The following AUTS2 variants were observed in gnomAD, a reference collection of about 807,000 sequenced individuals.
The protein encoded by AUTS2 is activator of transcription and developmental regulator AUTS2, also known as autism susceptibility gene 2 protein.
Under a neutral mutation model 112.4 loss-of-function variants are expected in AUTS2, and 17 were observed. The ratio of observed to expected loss-of-function variants is 0.15; its 90% CI spans 0.10 to 0.23. The LOEUF (loss-of-function observed/expected upper bound fraction) is 0.23, where lower values mean the gene tolerates loss of function less well. AUTS2 is among the 10% of genes least tolerant of loss of function. AUTS2 has a pLI of 1.00. For synonymous variants in AUTS2, 751 were observed against 702.7 expected, an observed-to-expected ratio of 1.07 and a Z score of -1.09; for missense variants, 1,510 against 1,701.6, an observed-to-expected ratio of 0.89 and a Z score of 1.98.
chr7:70,103,218 A>G (rs751325534), intron 2 of AUTS2, among the ~76,000 whole-genome samples: 56 of 152,224 alleles, frequency 3.7e-4, no homozygotes, highest in Non-Finnish European at 7.5e-4. Flanking sequence ...GAGGGGTAGC[A>G]TAATGTTTTG....
intron 5 of AUTS2, among the ~76,000 whole-genome samples, chr7:70,515,408 G>T (rs1044296909): frequency 6.6e-6 from 1 of 152,146 alleles, no homozygotes. Flanking sequence ...ATTTGAGAAT[G>T]GGATGGGCAA....
In AUTS2 at chr7:70,494,145, G is replaced by A. The variant is rs568105541; in HGVS notation, c.690+58364G>A. Among the ~76,000 whole-genome samples the A allele has an allele frequency of 5.3e-5, 8 of 152,296 alleles. 1 individual carries two copies. In the South Asian group the frequency reaches 1.0e-3, roughly 20 times the overall value. On this transcript the variant is annotated intron_variant, in intron 5 of 18. Transcript: ENST00000342771. ...TTTTCATTGCAGAGCTGATCTTTGT[G>A]ACCAACATCTTGTCTCCACCAGGAA...
intron 5 of AUTS2, among the ~76,000 whole-genome samples, chr7:70,496,179 A>G (rs1489094827): frequency 1.2e-4 from 15 of 126,946 alleles, no homozygotes; most frequent in Admixed American, 1.6e-4. Context: ...TCACACACAC[A>G]CACACCCCAC....
At chr7:69,659,728 A>G (rs1795709241) in intron 1 of AUTS2, among the ~76,000 whole-genome samples, 2 of 151,302 alleles carry the variant, frequency 1.3e-5, no homozygotes, top group African/African-American at 2.4e-5. Flanking sequence ...TGTTGTTTCT[A>G]CTATCCCACT....
At chr7:70,468,282 GA>G (rs1181140633) in intron 5 of AUTS2, among the ~76,000 whole-genome samples, 1 of 152,172 alleles carries the variant, frequency 6.6e-6, no homozygotes, top group Non-Finnish European at 1.5e-5. Flanking sequence ...TCAAGATTAA[GA>G]AAAGGAGGCT....
At chr7:70,641,099 A>G (rs1805804983) in intron 5 of AUTS2, among the ~76,000 whole-genome samples, 1 of 152,134 alleles carries the variant, frequency 6.6e-6, no homozygotes, top group South Asian at 2.1e-4. Flanking sequence ...CTGGTCCATT[A>G]GATGTTTCTA....
At chr7:70,410,864 T>C (rs1794748060) in intron 4 of AUTS2, among the ~76,000 whole-genome samples, 1 of 149,936 alleles carries the variant, frequency 6.7e-6, no homozygotes, top group Admixed American at 6.7e-5. Context: ...ATTATTATTA[T>C]TATTATTATT....
chr7:70,349,587 C>A (rs1222611514), intron 4 of AUTS2, among the ~76,000 whole-genome samples: 1 of 151,814 alleles, frequency 6.6e-6, no homozygotes, highest in East Asian at 1.9e-4. Context: ...CCTTCTTTGG[C>A]AAGCTACTTC....
chr7:70,053,027 C>G (rs1325274562), intron 2 of AUTS2, among the ~76,000 whole-genome samples: 7 of 152,184 alleles, frequency 4.6e-5, no homozygotes, highest in Non-Finnish European at 7.3e-5. Context: ...GCTCAGCACT[C>G]AGGCTGTGCT....
At chr7:69,775,999 G>T (rs1788877233) in intron 1 of AUTS2, among the ~76,000 whole-genome samples, 1 of 152,164 alleles carries the variant, frequency 6.6e-6, no homozygotes, top group Admixed American at 6.6e-5. Flanking sequence ...TCTAGCCAGA[G>T]CTGGATTTGA....
intron 1 of AUTS2, among the ~76,000 whole-genome samples, chr7:69,715,181 T>G (rs1473167755): frequency 6.7e-6 from 1 of 148,720 alleles, no homozygotes; most frequent in East Asian, 2.0e-4. Flanking sequence ...TTAAAACAAT[T>G]GATACAGCTC....
chr7:70,326,108 CT>C (rs566974060), intron 4 of AUTS2, among the ~76,000 whole-genome samples: 4,063 of 149,934 alleles, frequency 0.027, 79 homozygotes, highest in Middle Eastern at 0.11. Context: ...CCAGGATGAA[CT>C]TTTTTTTTTG....
chr7:70,524,313 G>A (rs1261694138), intron 5 of AUTS2, among the ~76,000 whole-genome samples: 4 of 152,154 alleles, frequency 2.6e-5, no homozygotes, highest in African/African-American at 9.7e-5. Context: ...ACTTACAATG[G>A]TCATTATTCC....
intron 4 of AUTS2, among the ~76,000 whole-genome samples, chr7:70,296,738 C>A (rs1438165064): frequency 1.3e-5 from 2 of 152,030 alleles, no homozygotes; most frequent in African/African-American, 4.8e-5. Context: ...TCATTGTGTA[C>A]ATCTGTCAGT....
At chr7:70,236,002 C>T (rs1812308882) in intron 4 of AUTS2, among the ~76,000 whole-genome samples, 1 of 152,088 alleles carries the variant, frequency 6.6e-6, no homozygotes. Flanking sequence ...TATTCTTTAC[C>T]TTGACCCTGT....
rs1007785883 is a variant in AUTS2 at position 70,546,976 on chromosome 7, C to G, written c.690+111195C>G. On this transcript the variant is annotated intron_variant, in intron 5 of 18. Coordinates refer to ENST00000342771, the MANE Select transcript of AUTS2 (RefSeq NM_015570.4). ...TTCAAATCAGATTTATGTTTCTTAC[C>G]AGCTCGTTTTAACAACTTTATTCAA... is the stretch of plus-strand genomic sequence containing the variant. Among the ~76,000 whole-genome samples the G allele has an allele frequency of 3.8e-4, 57 of 151,972 alleles. 2 individuals are homozygous for G.
chr7:70,625,578 TCTTA>T (rs1259778673), intron 5 of AUTS2, among the ~76,000 whole-genome samples: 2 of 152,218 alleles, frequency 1.3e-5, no homozygotes, highest in African/African-American at 4.8e-5. Context: ...AAAGGCTAAG[TCTTA>T]CTTCTTCGTA....
chr7:69,729,994 A>ATTTTTTTTTTTTTTTTTTT (rs10684331), intron 1 of AUTS2, among the ~76,000 whole-genome samples: 2 of 56,750 alleles, frequency 3.5e-5, no homozygotes, highest in East Asian at 6.3e-4. Flanking sequence ...TGTTGTTTTA[A>ATTTTTTTTTTTTTTTTTTT]TTTTTTTTTT....
intron 2 of AUTS2, among the ~76,000 whole-genome samples, chr7:70,009,613 G>T (rs1391137712): frequency 6.6e-6 from 1 of 152,164 alleles, no homozygotes; most frequent in African/African-American, 2.4e-5. Flanking sequence ...AGCTACCAAT[G>T]ACAAAGATCT....
Sources: gnomAD v4.1 joint callset for allele counts (sites outside exome capture counted in the v4.1 genomes callset) on GRCh38, gnomAD v4.1.1 for gene constraint, MANE v1.5 for transcripts, NCBI Gene and HGNC (gene_info 2026-07-23, HGNC 2026-07-21) for gene names.